Variants in ADAMTSL1 observed in about 807,000 individuals in gnomAD.
ADAMTSL1 encodes the protein ADAMTS like 1.
A neutral mutation model predicts 201.8 loss-of-function variants in ADAMTSL1; 126 were observed. That is an observed-to-expected ratio of 0.62 (90% CI 0.54 to 0.72). The LOEUF is 0.72. Ranked by LOEUF, ADAMTSL1 falls within the 30% of genes least tolerant of loss-of-function variation. The pLI, the probability that ADAMTSL1 is intolerant of heterozygous loss-of-function variation, is 0.00. For synonymous variants in ADAMTSL1, 1,121 were observed against 903.4 expected, an observed-to-expected ratio of 1.24 and a Z score of -4.32; for missense variants, 2,679 against 2,277.8, an observed-to-expected ratio of 1.18 and a Z score of -3.59.
At chr9:18,223,485 T>C (rs962966254) in intron 2 of ADAMTSL1, among the ~76,000 whole-genome samples, 1 of 152,116 alleles carries the variant, frequency 6.6e-6, no homozygotes, top group Non-Finnish European at 1.5e-5. Flanking sequence ...TTTGGTTTAA[T>C]ATGCATTTAT....
intron 2 of ADAMTSL1, among the ~76,000 whole-genome samples, chr9:18,531,396 A>T (rs1427859323): frequency 6.6e-6 from 1 of 152,228 alleles, no homozygotes; most frequent in Admixed American, 6.5e-5. Flanking sequence ...TGGGACATGC[A>T]GGACTTGAAA....
intron 2 of ADAMTSL1, among the ~76,000 whole-genome samples, chr9:18,242,255 A>G (rs1401554101): frequency 1.3e-5 from 2 of 152,334 alleles, no homozygotes; most frequent in East Asian, 3.9e-4. Flanking sequence ...ATGAGAGATT[A>G]AAAACCACAT....
chr9:18,168,673 T>C (rs568056097), intron 2 of ADAMTSL1, among the ~76,000 whole-genome samples: 150 of 148,190 alleles, frequency 1.0e-3, no homozygotes, highest in Non-Finnish European at 1.4e-3. Flanking sequence ...ATGGTATTTC[T>C]AGTTCTAGAT....
At chr9:18,885,788 G>C (rs1828811670) in intron 23 of ADAMTSL1, among the ~76,000 whole-genome samples, 1 of 152,062 alleles carries the variant, frequency 6.6e-6, no homozygotes, top group African/African-American at 2.4e-5. Context: ...AAACGAAGGA[G>C]GTAGCAAGGT....
chr9:18,227,395 A>G (rs539004230), intron 2 of ADAMTSL1, among the ~76,000 whole-genome samples: 94 of 152,304 alleles, frequency 6.2e-4, no homozygotes, highest in Non-Finnish European at 1.1e-3. Flanking sequence ...CTATCATGTG[A>G]TAATGCTACA....
At chr9:18,316,508 A>T (rs999352369) in intron 2 of ADAMTSL1, among the ~76,000 whole-genome samples, 13 of 152,148 alleles carry the variant, frequency 8.5e-5, no homozygotes, top group Non-Finnish European at 1.0e-4. Context: ...GAATTCAGCG[A>T]TGTTTCTCCC....
intron 23 of ADAMTSL1, among the ~76,000 whole-genome samples, chr9:18,833,760 G>T (rs530311770): frequency 1.1e-4 from 17 of 152,196 alleles, no homozygotes; most frequent in Non-Finnish European, 1.9e-4. Flanking sequence ...TGAAACCTTT[G>T]CCCATGCCTA....
At chr9:18,815,630 C>G (rs1435845459) in intron 20 of ADAMTSL1, among the ~76,000 whole-genome samples, 1 of 144,524 alleles carries the variant, frequency 6.9e-6, no homozygotes, top group Non-Finnish European at 1.5e-5. Context: ...ATCACTTGAG[C>G]TTGGGAGGCA....
chr9:18,344,925 C>T (rs1338560386), intron 2 of ADAMTSL1, among the ~76,000 whole-genome samples: 2 of 152,148 alleles, frequency 1.3e-5, no homozygotes, highest in South Asian at 2.1e-4. Context: ...GCTATTTAAG[C>T]AGAGCTCCCC....
At chr9:18,459,564 G>A (rs1398680429) in intron 2 of ADAMTSL1, among the ~76,000 whole-genome samples, 1 of 152,158 alleles carries the variant, frequency 6.6e-6, no homozygotes, top group East Asian at 1.9e-4. Context: ...CAGGGAACTT[G>A]CCTGCAAAAG....
intron 2 of ADAMTSL1, among the ~76,000 whole-genome samples, chr9:18,292,011 A>G (rs1356413579): frequency 6.6e-6 from 1 of 152,094 alleles, no homozygotes; most frequent in Non-Finnish European, 1.5e-5. Flanking sequence ...GCCCAGGGAA[A>G]CCAGAGCAAG....
At chr9:18,535,387 T>A (rs1819702746) in intron 3 of ADAMTSL1, among the ~76,000 whole-genome samples, 2 of 152,224 alleles carry the variant, frequency 1.3e-5, no homozygotes. Context: ...TCAACAAGAC[T>A]GTAGGAAGTT....
At chr9:17,984,828 C>T (rs368986139) in intron 1 of ADAMTSL1, among the ~76,000 whole-genome samples, 1 of 152,214 alleles carries the variant, frequency 6.6e-6, no homozygotes, top group South Asian at 2.1e-4. Context: ...GGCTTTTCCT[C>T]AGTGGTAAGA....
intron 2 of ADAMTSL1, among the ~76,000 whole-genome samples, chr9:18,336,747 A>G (rs1487204684): frequency 6.6e-6 from 1 of 152,180 alleles, no homozygotes; most frequent in Non-Finnish European, 1.5e-5. Flanking sequence ...TTGACAGTAC[A>G]TGCAAGTTAA....
intron 2 of ADAMTSL1, among the ~76,000 whole-genome samples, chr9:18,425,755 C>T (rs1355639631): frequency 6.7e-6 from 1 of 148,752 alleles, no homozygotes; most frequent in Non-Finnish European, 1.5e-5. Flanking sequence ...ACTCTGGAGG[C>T]TGAGGTGGGA....
chr9:18,892,245 A>C, intron 25 of ADAMTSL1, 144 bp from the exon 26 acceptor site: 2 of 747,534 alleles, frequency 2.7e-6, no homozygotes, highest in East Asian at 5.4e-5. Context: ...TTTTCAGCCT[A>C]TCAATCATCT....
chr9:18,724,477 A>T (rs1817747235), intron 15 of ADAMTSL1, among the ~76,000 whole-genome samples: 1 of 152,348 alleles, frequency 6.6e-6, no homozygotes. Flanking sequence ...CAATAGGAAG[A>T]TGTCTTCTCA....
chr9:18,135,986 T>A (rs1026535463), intron 1 of ADAMTSL1, among the ~76,000 whole-genome samples: 4 of 152,146 alleles, frequency 2.6e-5, no homozygotes, highest in Non-Finnish European at 5.9e-5. Context: ...AGGCACAGAT[T>A]AGTTCATTTA....
At chr9:18,753,675 T>C (rs1819591449) in intron 16 of ADAMTSL1, among the ~76,000 whole-genome samples, 167 bp downstream of exon 16, 1 of 152,200 alleles carries the variant, frequency 6.6e-6, no homozygotes, top group Non-Finnish European at 1.5e-5. Flanking sequence ...CCAGATCTTT[T>C]AATTACAAAT....
Sources: gnomAD v4.1 joint callset for allele counts (sites outside exome capture counted in the v4.1 genomes callset) on GRCh38, gnomAD v4.1.1 for gene constraint, MANE v1.5 for transcripts, NCBI Gene and HGNC (gene_info 2026-07-23, HGNC 2026-07-21) for gene names.